ARHGAP15: variants seen among roughly 807,000 people sequenced by gnomAD.
The protein encoded by ARHGAP15 is rho GTPase-activating protein 15.
Under a neutral mutation model 63.7 loss-of-function variants are expected in ARHGAP15, and 51 were observed. The observed-to-expected ratio is 0.80, with a 90% confidence interval of 0.64 to 1.01. ARHGAP15 has a LOEUF of 1.01. ARHGAP15 is among the 50% of genes least tolerant of loss of function. The probability of loss-of-function intolerance (pLI) is 0.00; values close to 1 mark genes in which losing one functional copy is unlikely to be tolerated. For missense variants in ARHGAP15, 560 were observed against 564.6 expected (o/e 0.99, Z 0.08); for synonymous variants, 191 against 193.8 (o/e 0.99, Z 0.12).
chr2:143,143,817 T>C (rs926396550), intron 1 of ARHGAP15, among the ~76,000 whole-genome samples: 10 of 152,032 alleles, frequency 6.6e-5, no homozygotes, highest in African/African-American at 2.4e-4. Flanking sequence ...GTTACCTAGA[T>C]AAACTTGTGT....
At chr2:143,676,801 C>T (rs1682847383) in intron 12 of ARHGAP15, among the ~76,000 whole-genome samples, 1 of 152,020 alleles carries the variant, frequency 6.6e-6, no homozygotes, top group African/African-American at 2.4e-5. Flanking sequence ...CACAGAGACA[C>T]AAAATGGGCA....
intron 11 of ARHGAP15, among the ~76,000 whole-genome samples, chr2:143,558,729 A>G (rs1695906763): frequency 6.6e-6 from 1 of 152,174 alleles, no homozygotes; most frequent in South Asian, 2.1e-4. Context: ...TTGTTGAACA[A>G]TGTGTGTGGG....
At chr2:143,608,947 G>A (rs1698151844) in intron 11 of ARHGAP15, among the ~76,000 whole-genome samples, 1 of 152,164 alleles carries the variant, frequency 6.6e-6, no homozygotes, top group Non-Finnish European at 1.5e-5. Context: ...AGACAGAAAA[G>A]CAGATGCTAT....
chr2:143,259,184 T>G (rs538367896), intron 6 of ARHGAP15, among the ~76,000 whole-genome samples: 3 of 152,270 alleles, frequency 2.0e-5, no homozygotes, highest in East Asian at 3.9e-4. Context: ...ATGTGTAGGA[T>G]GTACTGATAG....
At chr2:143,571,728 C>A (rs1004788862) in intron 11 of ARHGAP15, 2 of 152,190 alleles carry the variant, frequency 1.3e-5, no homozygotes, top group Admixed American at 6.5e-5. Context: ...TTTTCCTGAG[C>A]AAGTACCCCA....
chr2:143,607,582 A>G (rs1358511657), intron 11 of ARHGAP15: 1 of 152,010 alleles, frequency 6.6e-6, no homozygotes, highest in Non-Finnish European at 1.5e-5. Context: ...AGACAGAGAG[A>G]GAGATCTTTC....
chr2:143,346,864 GAC>G (rs1172434947), intron 6 of ARHGAP15, among the ~76,000 whole-genome samples: 1 of 151,982 alleles, frequency 6.6e-6, no homozygotes, highest in Non-Finnish European at 1.5e-5. Flanking sequence ...AAGACCAACT[GAC>G]ACATATAAAA....
intron 8 of ARHGAP15, among the ~76,000 whole-genome samples, chr2:143,464,973 C>T (rs891504788): frequency 6.6e-6 from 1 of 151,968 alleles, no homozygotes; most frequent in African/African-American, 2.4e-5. Context: ...TTAAAAAACA[C>T]CCTTCTTTTA....
chr2:143,461,661 T>C (rs925511515), intron 8 of ARHGAP15, among the ~76,000 whole-genome samples: 1 of 152,204 alleles, frequency 6.6e-6, no homozygotes, highest in Admixed American at 6.5e-5. Flanking sequence ...AACAGACAAA[T>C]TAACCATTTT....
intron 13 of ARHGAP15, among the ~76,000 whole-genome samples, chr2:143,732,404 A>G (rs1447416780): frequency 1.3e-5 from 2 of 152,194 alleles, no homozygotes; most frequent in Non-Finnish European, 2.9e-5. Context: ...TAACTTTTTT[A>G]TATTGAATGC....
At chr2:143,580,497 T>C (rs984355094) in intron 11 of ARHGAP15, among the ~76,000 whole-genome samples, 1 of 152,150 alleles carries the variant, frequency 6.6e-6, no homozygotes, top group East Asian at 1.9e-4. Flanking sequence ...ACAGATTCTG[T>C]ATTCTGGATC....
intron 2 of ARHGAP15, among the ~76,000 whole-genome samples, chr2:143,157,226 G>A (rs1246206488): frequency 6.6e-6 from 1 of 151,832 alleles, no homozygotes; most frequent in Non-Finnish European, 1.5e-5. Context: ...ATGTGTTTAT[G>A]CACTATTACC....
chr2:143,244,802 C>A (rs1558837572), intron 5 of ARHGAP15, among the ~76,000 whole-genome samples: 1 of 152,036 alleles, frequency 6.6e-6, no homozygotes, highest in Non-Finnish European at 1.5e-5. Flanking sequence ...GCCACAGAGG[C>A]AAGAGGTAGA....
rs70982870 is a variant in ARHGAP15 at position 143,468,663 on chromosome 2, A to AGTGT, written c.704-18689_704-18686dup. 9.4e-3 allele frequency among the ~76,000 whole-genome samples: 1,287 copies of AGTGT among 136,258 alleles called. 17 individuals are homozygous for AGTGT. Among genetic ancestry groups the AGTGT allele is most frequent in the East Asian group, 0.041 (190 of 4,622 alleles). 89.4% of individuals were successfully genotyped at this position (136,258 alleles called of 152,430 possible). A position where few individuals can be genotyped will look rare whatever the true frequency, so the allele number is the denominator to read the frequency against. ...GAGAGAGAGAGAGAGAGAGAGAGAG[A>AGTGT]GTGTGTGTGTGTGTGTGTGTGTGTT... On this transcript the variant is annotated intron_variant, in intron 8 of 13. Coordinates refer to ENST00000295095, the MANE Select transcript of ARHGAP15 (RefSeq NM_018460.4).
intron 11 of ARHGAP15, among the ~76,000 whole-genome samples, chr2:143,595,253 C>A (rs575013929): frequency 1.3e-5 from 2 of 152,222 alleles, no homozygotes; most frequent in South Asian, 4.1e-4. Context: ...GCTGTCAGAG[C>A]AGCTGACTTG....
intron 8 of ARHGAP15, among the ~76,000 whole-genome samples, chr2:143,452,647 G>T (rs1690459261): frequency 7.7e-6 from 1 of 130,562 alleles, no homozygotes; most frequent in African/African-American, 2.9e-5. Context: ...CTCAACTGTG[G>T]CCCCTTTGGA....
At chr2:143,196,823 A>T (rs898971994) in intron 2 of ARHGAP15, among the ~76,000 whole-genome samples, 1 of 151,964 alleles carries the variant, frequency 6.6e-6, no homozygotes, top group Admixed American at 6.6e-5. Context: ...GAAACAAAAT[A>T]AAAGAGACAT....
At chr2:143,719,184 A>G (rs1684940651) in intron 13 of ARHGAP15, among the ~76,000 whole-genome samples, 1 of 152,168 alleles carries the variant, frequency 6.6e-6, no homozygotes, top group Non-Finnish European at 1.5e-5. Context: ...TGGTCAATAG[A>G]CGCCTCTTCA....
At chr2:143,178,462 A>G (rs575470596) in intron 2 of ARHGAP15, among the ~76,000 whole-genome samples, 1 of 152,334 alleles carries the variant, frequency 6.6e-6, no homozygotes, top group Admixed American at 6.5e-5. Flanking sequence ...GATATTGGCT[A>G]AATAGTATCT....
Sources: allele counts gnomAD v4.1 joint callset (sites outside exome capture counted in the v4.1 genomes callset), GRCh38; gene constraint gnomAD v4.1.1; transcripts MANE v1.5; gene names NCBI Gene and HGNC (gene_info 2026-07-23, HGNC 2026-07-21).